Variants in FMN2 observed in about 807,000 individuals in gnomAD.
FMN2 encodes the protein formin 2, also known as formin-2.
A neutral mutation model predicts 142.3 loss-of-function variants in FMN2; 51 were observed. The observed-to-expected ratio is 0.36, with a 90% CI of 0.29 to 0.45. FMN2 has a LOEUF of 0.45. Ranked by LOEUF, FMN2 falls within the 20% of genes least tolerant of loss-of-function variation. The pLI is 1.00. For synonymous variants in FMN2, 882 were observed against 869.8 expected, an observed-to-expected ratio of 1.01 and a Z score of -0.25; for missense variants, 1,936 against 2,122.8, an observed-to-expected ratio of 0.91 and a Z score of 1.73.
chr1:240,122,079 T>TTAATTAATTA (rs34680769), intron 1 of FMN2, among the ~76,000 whole-genome samples: 3,847 of 123,760 alleles, frequency 0.031, 152 homozygotes, highest in African/African-American at 0.1. Context: ...TTAATTAATT[T>TTAATTAATTA]ATTTATTTAT....
intron 1 of FMN2, among the ~76,000 whole-genome samples, chr1:240,110,187 T>C (rs2103193092): frequency 6.6e-6 from 1 of 152,314 alleles, no homozygotes; most frequent in South Asian, 2.1e-4. Flanking sequence ...AGTTGCTGGC[T>C]GAGTCAGAAG....
At chr1:240,235,369 T>G (rs1667668323) in intron 6 of FMN2, among the ~76,000 whole-genome samples, 1 of 152,110 alleles carries the variant, frequency 6.6e-6, no homozygotes, top group Non-Finnish European at 1.5e-5. Flanking sequence ...AAACGCTCCT[T>G]TTATTTGGAT....
chr1:240,223,229 T>A (rs1442426996), intron 6 of FMN2, among the ~76,000 whole-genome samples: 2 of 152,214 alleles, frequency 1.3e-5, no homozygotes, highest in African/African-American at 4.8e-5. Flanking sequence ...CTTTTCTGCA[T>A]CTGTTGAGAT....
At chr1:240,308,547 A>T (rs59778844) in intron 8 of FMN2, among the ~76,000 whole-genome samples, 36,196 of 152,026 alleles carry the variant, frequency 0.24, 7,974 homozygotes, top group African/African-American at 0.59. Context: ...TACTGGCCCA[A>T]CCAGAAACAG....
chr1:240,241,348 T>C (rs1278237461), intron 6 of FMN2, among the ~76,000 whole-genome samples: 1 of 151,984 alleles, frequency 6.6e-6, no homozygotes, highest in Non-Finnish European at 1.5e-5. Flanking sequence ...TTTAAACTTA[T>C]CCCTTTAAAG....
chr1:240,334,354 T>A, intron 13 of FMN2, 125 bp downstream of exon 13: 1 of 1,166,782 alleles, frequency 8.6e-7, no homozygotes, highest in Non-Finnish European at 1.2e-6. Flanking sequence ...TGTGTGTGTG[T>A]GGCGAAAGAA....
intron 16 of FMN2, among the ~76,000 whole-genome samples, chr1:240,442,006 G>A (rs966884891): frequency 1.3e-5 from 2 of 152,148 alleles, no homozygotes; most frequent in Middle Eastern, 3.2e-3. Context: ...GGGCAAGAGT[G>A]GAACTTACTT....
At chr1:240,332,466 T>C (rs1337506219) in intron 11 of FMN2, among the ~76,000 whole-genome samples, 1 of 152,060 alleles carries the variant, frequency 6.6e-6, no homozygotes, top group Non-Finnish European at 1.5e-5. Flanking sequence ...GCAAATAACA[T>C]TGAAATCTAT....
chr1:240,216,714 G>A (rs528892825), intron 6 of FMN2, among the ~76,000 whole-genome samples: 1 of 152,182 alleles, frequency 6.6e-6, no homozygotes, highest in East Asian at 1.9e-4. Context: ...CCCTAAAAAA[G>A]ACTTTTTAAA....
At chr1:240,100,166 C>T (rs1444701176) in intron 1 of FMN2, among the ~76,000 whole-genome samples, 2 of 152,138 alleles carry the variant, frequency 1.3e-5, no homozygotes, top group Non-Finnish European at 2.9e-5. Flanking sequence ...ATCAATGATA[C>T]TTTATAGAAC....
chr1:240,171,149 G>A, intron 2 of FMN2: 3 of 1,059,468 alleles, frequency 2.8e-6, no homozygotes, highest in Non-Finnish European at 2.9e-6. Flanking sequence ...AGTGTAGAAA[G>A]TGTCCCAAAG....
chr1:240,247,197 G>A (rs1668110099), intron 6 of FMN2, among the ~76,000 whole-genome samples: 2 of 152,152 alleles, frequency 1.3e-5, no homozygotes, highest in South Asian at 2.1e-4. Flanking sequence ...GATCAAGTGT[G>A]TTTGAATTAT....
At chr1:240,431,435 C>CACACAT (rs1323130279) in intron 15 of FMN2, among the ~76,000 whole-genome samples, 1 of 146,864 alleles carries the variant, frequency 6.8e-6, no homozygotes, top group East Asian at 1.9e-4. Flanking sequence ...CATATATATA[C>CACACAT]ACACATATAT....
At chr1:240,188,827 G>A (rs1002101162) in intron 4 of FMN2, among the ~76,000 whole-genome samples, 19 of 152,284 alleles carry the variant, frequency 1.2e-4, no homozygotes, top group African/African-American at 4.3e-4. Flanking sequence ...CCACATGGCT[G>A]GGGAGGCCTC....
chr1:240,418,095 A>C (rs1674639636), intron 15 of FMN2, among the ~76,000 whole-genome samples: 1 of 152,018 alleles, frequency 6.6e-6, no homozygotes, highest in Non-Finnish European at 1.5e-5. Flanking sequence ...AGTGATTAAG[A>C]CATGTCATTT....
chr1:240,108,384 A>AT (rs904960687), intron 1 of FMN2, among the ~76,000 whole-genome samples: 2 of 151,744 alleles, frequency 1.3e-5, no homozygotes, highest in African/African-American at 4.8e-5. Flanking sequence ...GGCCCTCCTT[A>AT]TTTTTTTTCT....
chr1:240,472,387 A>G lies in FMN2; in HGVS notation c.5076A>G (p.Glu1692=). 1 of 1,612,134 alleles carries G rather than the reference A, an allele frequency of 6.2e-7. No individual in the cohort carries two copies. Among genetic ancestry groups the G allele is most frequent in the South Asian group, 1.1e-5 (1 of 90,420 alleles). Residue 1692 remains glutamate, a synonymous_variant, in exon 17 of 18, where the codon GAA becomes GAG. Transcript: ENST00000319653. ...TCCCCATCAGAGTAAAAGAAGCCGA[A>G]GAGGTGTGTAGACAGAAGAAAGGAA... ...LLLQERVKEA[E]EVCRQKKGKS...
chr1:240,340,437 C>T (rs561220063), intron 13 of FMN2, among the ~76,000 whole-genome samples: 2 of 151,942 alleles, frequency 1.3e-5, no homozygotes, highest in African/African-American at 2.4e-5. Context: ...AAAAATGAAC[C>T]GGGCATGGTG....
At chr1:240,326,559 G>C (rs1050689910) in intron 8 of FMN2, among the ~76,000 whole-genome samples, 2 of 152,088 alleles carry the variant, frequency 1.3e-5, no homozygotes, top group Non-Finnish European at 2.9e-5. Flanking sequence ...TGTTGTTTAA[G>C]ACCCAGGGAA....
Sources: allele counts gnomAD v4.1 joint callset (sites outside exome capture counted in the v4.1 genomes callset), GRCh38; gene constraint gnomAD v4.1.1; transcripts MANE v1.5; gene names NCBI Gene and HGNC (gene_info 2026-07-23, HGNC 2026-07-21).